TRHDE: variants seen among roughly 807,000 people sequenced by gnomAD.
TRHDE encodes thyrotropin-releasing hormone-degrading ectoenzyme.
Under a neutral mutation model 125.7 loss-of-function variants are expected in TRHDE, and 72 were observed. The observed-to-expected ratio is 0.57, with a 90% CI of 0.47 to 0.70. The LOEUF is 0.70. Ranked by LOEUF, TRHDE falls within the 30% of genes least tolerant of loss-of-function variation. TRHDE has a pLI of 0.00. For missense variants in TRHDE, 1,110 were observed against 1,327.1 expected (o/e 0.84, Z 2.54); for synonymous variants, 509 against 509.1 (o/e 1.00, Z 0.00).
chr12:72,615,915 C>T (rs548723744), intron 12 of TRHDE, among the ~76,000 whole-genome samples: 10 of 152,060 alleles, frequency 6.6e-5, no homozygotes, highest in Non-Finnish European at 1.2e-4. Context: ...TTAAGGAAAA[C>T]GAACATAAAA....
chr12:72,122,592 G>C (rs896911085), intron 2 of TRHDE, among the ~76,000 whole-genome samples: 3 of 151,830 alleles, frequency 2.0e-5, no homozygotes, highest in African/African-American at 7.3e-5. Flanking sequence ...TACTTTAATT[G>C]CTTTAGTAAA....
intron 3 of TRHDE, among the ~76,000 whole-genome samples, chr12:72,457,085 T>C (rs963639712): frequency 3.3e-5 from 5 of 152,172 alleles, no homozygotes; most frequent in African/African-American, 9.6e-5. Flanking sequence ...AGCTGATACA[T>C]AATTCAACCT....
chr12:72,264,469 G>A (rs1163027538), intron 2 of TRHDE: 3 of 152,014 alleles, frequency 2.0e-5, no homozygotes, highest in Non-Finnish European at 4.4e-5. Flanking sequence ...ACAAGTCAGA[G>A]CTTGCCACTT....
At chr12:72,589,026 C>T (rs1194726857) in intron 12 of TRHDE, among the ~76,000 whole-genome samples, 3 of 152,184 alleles carry the variant, frequency 2.0e-5, no homozygotes, top group Admixed American at 6.5e-5. Context: ...ATTCAATTAC[C>T]TCGCACTAGG....
rs145972170 is a variant in TRHDE, at chr12:72,361,547, T to A, written c.1189-16448T>A. Among the ~76,000 whole-genome samples the A allele has an allele frequency of 7.3e-3, 1,091 of 149,656 alleles. 10 individuals carry two copies. Among genetic ancestry groups the A allele is most frequent in the Non-Finnish European group, 0.012 (792 of 67,712 alleles). ...CTTTTCTATATGAGTAGGTGTTTTA[T>A]AATTTATTTTTTTTTTATTTTATTA... On this transcript the variant is annotated intron_variant, in intron 2 of 18. Transcript: ENST00000261180.
At chr12:72,440,383 TTTTTATTACTTATTCAATCTCAA>T (rs1874946433) in intron 3 of TRHDE, among the ~76,000 whole-genome samples, 1 of 151,928 alleles carries the variant, frequency 6.6e-6, no homozygotes, top group Non-Finnish European at 1.5e-5. Flanking sequence ...GATGTGAAAC[TTTTTATTACTTATTCAATCTCAA>T]TTTTATTAAA....
In TRHDE at chr12:72,597,713, G is replaced by GTATATA. The variant is rs762515309; in HGVS notation, c.2322-21138_2322-21133dup. Among the ~76,000 whole-genome samples the GTATATA allele has an allele frequency of 8.0e-3, 147 of 18,370 alleles. 2 individuals are homozygous for GTATATA. Among genetic ancestry groups the GTATATA allele is most frequent in the Non-Finnish European group, 9.7e-3 (105 of 10,860 alleles). 12.1% of individuals were successfully genotyped at this position (18,370 alleles called of 152,430 possible). A position where few individuals can be genotyped will look rare whatever the true frequency, so the allele number is the denominator to read the frequency against. ...GAGGTATATATATGTGTGTGTGTAT[G>GTATATA]TATATATATATATATATATATATAT... On this transcript the variant is annotated intron_variant, in intron 12 of 18. Coordinates refer to ENST00000261180, the MANE Select transcript of TRHDE (RefSeq NM_013381.3).
chr12:72,547,973 G>C (rs1246584045), intron 7 of TRHDE, among the ~76,000 whole-genome samples: 1 of 151,798 alleles, frequency 6.6e-6, no homozygotes, highest in East Asian at 1.9e-4. Flanking sequence ...TAGGTCATTT[G>C]TAAGGACAAG....
chr12:72,633,050 G>T lies in TRHDE; in HGVS notation c.2675+11299G>T, dbSNP rs1442962349. 3.3e-5 allele frequency among the ~76,000 whole-genome samples: 5 copies of T among 151,904 alleles called. No homozygotes were observed. In the East Asian group the frequency reaches 5.8e-4, roughly 18 times the overall value. ...TTTCTGACTATCCAATTTTATTTCT[G>T]CAGAATTAATAGCAATTTTATATAT... On this transcript the variant is annotated intron_variant, in intron 15 of 18. Transcript: ENST00000261180.
intron 4 of TRHDE, among the ~76,000 whole-genome samples, chr12:72,471,178 C>T (rs1876632341): frequency 6.6e-6 from 1 of 151,892 alleles, no homozygotes; most frequent in African/African-American, 2.4e-5. Context: ...GTGCCCAGCC[C>T]CTAAATGTCA....
intron 2 of TRHDE, among the ~76,000 whole-genome samples, chr12:72,339,537 C>A (rs1869985772): frequency 6.6e-6 from 1 of 152,100 alleles, no homozygotes; most frequent in Non-Finnish European, 1.5e-5. Flanking sequence ...TACTCCAATT[C>A]TATTTTCCTT....
chr12:72,536,352 G>A (rs1379051982), intron 6 of TRHDE, among the ~76,000 whole-genome samples: 1 of 152,126 alleles, frequency 6.6e-6, no homozygotes, highest in Non-Finnish European at 1.5e-5. Context: ...AAAGGAGCCA[G>A]AGAAGGTAGG....
chr12:72,201,139 G>C (rs1466283782), intron 2 of TRHDE, among the ~76,000 whole-genome samples: 1 of 152,142 alleles, frequency 6.6e-6, no homozygotes, highest in African/African-American at 2.4e-5. Flanking sequence ...AACTAGGGAA[G>C]AATGGAAAGA....
At chr12:72,364,732 C>G (rs77800804) in intron 2 of TRHDE, among the ~76,000 whole-genome samples, 420 of 152,096 alleles carry the variant, frequency 2.8e-3, no homozygotes, top group Non-Finnish European at 4.9e-3. Context: ...TGGCATTCGT[C>G]AAAGTGAGGT....
chr12:72,613,919 G>A (rs574698252), intron 12 of TRHDE, among the ~76,000 whole-genome samples: 1 of 152,080 alleles, frequency 6.6e-6, no homozygotes, highest in Non-Finnish European at 1.5e-5. Context: ...TTTGCAGGAT[G>A]TAAAGGAACA....
rs151203598 is a variant in TRHDE at position 72,290,117 on chromosome 12, T to C, written c.1188+3163T>C. Among the ~76,000 whole-genome samples the C allele has an allele frequency of 1.6e-3, 247 of 152,320 alleles. 4 individuals are homozygous for C. Among genetic ancestry groups the C allele is most frequent in the African/African-American group, 5.6e-3 (234 of 41,590 alleles). On this transcript the variant is annotated intron_variant, in intron 2 of 18. Transcript: ENST00000261180. ...TTGGAAGAGGGAGAAATTCTTAAGGTTTGCAGTCTAGGGATGTGCTTCATG... is the reference window on the plus strand; with the variant it reads ...TTGGAAGAGGGAGAAATTCTTAAGGCTTGCAGTCTAGGGATGTGCTTCATG...
chr12:72,578,139 C>T (rs1054034121), intron 12 of TRHDE, among the ~76,000 whole-genome samples: 5 of 152,114 alleles, frequency 3.3e-5, no homozygotes, highest in African/African-American at 1.2e-4. Flanking sequence ...AAAAGAATAG[C>T]AAATATTTAT....
At chr12:72,201,228 A>G (rs1475501768) in intron 2 of TRHDE, among the ~76,000 whole-genome samples, 2 of 152,204 alleles carry the variant, frequency 1.3e-5, no homozygotes, top group Admixed American at 1.3e-4. Context: ...AATAAAAATA[A>G]TTAAAGGATA....
At chr12:72,154,051 A>G (rs1184571956) in intron 2 of TRHDE, among the ~76,000 whole-genome samples, 1 of 152,168 alleles carries the variant, frequency 6.6e-6, no homozygotes, top group Non-Finnish European at 1.5e-5. Flanking sequence ...GTAGGTCTCT[A>G]AGGACTTGCT....
Sources: allele counts gnomAD v4.1 joint callset (sites outside exome capture counted in the v4.1 genomes callset), GRCh38; gene constraint gnomAD v4.1.1; transcripts MANE v1.5; gene names NCBI Gene and HGNC (gene_info 2026-07-23, HGNC 2026-07-21).